EVI5: variants seen among roughly 807,000 people sequenced by gnomAD.
EVI5 encodes ecotropic viral integration site 5.
Under a neutral mutation model 112.0 loss-of-function variants are expected in EVI5, and 73 were observed. The ratio of observed to expected loss-of-function variants is 0.65; its 90% CI spans 0.54 to 0.79. EVI5 has a LOEUF of 0.79. Among genes scored for constraint, EVI5 ranks in the 30% least tolerant of loss-of-function variants. The probability of loss-of-function intolerance (pLI) is 0.00; values close to 1 mark genes in which losing one functional copy is unlikely to be tolerated. For synonymous variants in EVI5, 305 were observed against 319.9 expected (o/e 0.95, Z 0.50); for missense variants, 900 against 968.8 (o/e 0.93, Z 0.94).
intron 18 of EVI5, 30 bp from the exon 19 acceptor site, chr1:92,563,767 AC>A: frequency 7.0e-7 from 1 of 1,435,354 alleles, no homozygotes; most frequent in Non-Finnish European, 9.8e-7. Flanking sequence ...CAAAGCAAAA[AC>A]AAGAGGCAAT....
chr1:92,748,661 A>C (rs1679691076), intron 1 of EVI5, among the ~76,000 whole-genome samples: 4 of 152,174 alleles, frequency 2.6e-5, no homozygotes, highest in African/African-American at 9.7e-5. Context: ...AAGACAGCAT[A>C]CCAGACTTAT....
intron 1 of EVI5, among the ~76,000 whole-genome samples, chr1:92,762,244 C>G (rs1250123624): frequency 6.6e-6 from 1 of 152,206 alleles, no homozygotes; most frequent in Non-Finnish European, 1.5e-5. Flanking sequence ...CTCTCTGATC[C>G]TTCCTGCCTT....
At chr1:92,659,315 A>G (rs769412819) in intron 13 of EVI5, among the ~76,000 whole-genome samples, 3 of 152,202 alleles carry the variant, frequency 2.0e-5, no homozygotes, top group Non-Finnish European at 4.4e-5. Flanking sequence ...TGAATAGACA[A>G]CCTACAGAAT....
At chr1:92,549,497 T>C (rs1482462862) in intron 19 of EVI5, among the ~76,000 whole-genome samples, 1 of 151,268 alleles carries the variant, frequency 6.6e-6, no homozygotes, top group South Asian at 2.1e-4. Context: ...AATTGACAAA[T>C]GGGATCTAAT....
intron 7 of EVI5, 89 bp downstream of exon 7, chr1:92,695,221 T>C (rs1670121213): frequency 2.8e-6 from 3 of 1,087,344 alleles, no homozygotes; most frequent in South Asian, 3.5e-5. Flanking sequence ...ACACATGGCT[T>C]TCCTTCATTG....
intron 18 of EVI5, among the ~76,000 whole-genome samples, chr1:92,593,130 T>C (rs987294647): frequency 7.9e-5 from 12 of 152,180 alleles, no homozygotes; most frequent in African/African-American, 2.7e-4. Context: ...AAGAAAATTA[T>C]AGACCAATGT....
intron 1 of EVI5, among the ~76,000 whole-genome samples, chr1:92,779,001 A>T (rs1031259487): frequency 3.3e-5 from 5 of 152,034 alleles, no homozygotes; most frequent in Non-Finnish European, 5.9e-5. Context: ...CCATGTGATT[A>T]TAATGTGCAG....
chr1:92,562,403 G>A (rs1304603520), intron 19 of EVI5, among the ~76,000 whole-genome samples: 7 of 152,060 alleles, frequency 4.6e-5, no homozygotes, highest in Non-Finnish European at 1.5e-5. Context: ...GGTGGCGGGC[G>A]CCTGTAGTCC....
intron 9 of EVI5, among the ~76,000 whole-genome samples, chr1:92,678,878 C>T (rs1667157705): frequency 6.6e-6 from 1 of 152,184 alleles, no homozygotes; most frequent in Admixed American, 6.5e-5. Flanking sequence ...TTGTTATACC[C>T]ACTCTGGGGT....
At chr1:92,640,007 T>TG (rs1659629120) in intron 13 of EVI5, among the ~76,000 whole-genome samples, 1 of 152,074 alleles carries the variant, frequency 6.6e-6, no homozygotes, top group Admixed American at 6.5e-5. Flanking sequence ...ACAAAAGCAA[T>TG]GGGGAAAGGA....
At chr1:92,580,461 G>A (rs927507411) in intron 18 of EVI5, 3 of 154,070 alleles carry the variant, frequency 1.9e-5, no homozygotes, top group African/African-American at 7.2e-5. Context: ...ATTTTGTTAA[G>A]CTTTATTGTA....
At chr1:92,644,742 AAT>A (rs1473726125) in intron 13 of EVI5, among the ~76,000 whole-genome samples, 1 of 152,118 alleles carries the variant, frequency 6.6e-6, no homozygotes, top group African/African-American at 2.4e-5. Flanking sequence ...ATTTAATTAA[AAT>A]ATGTTCTAAT....
rs192380713 is a variant in EVI5, at chr1:92,767,044, C to T, written c.-82+17792G>A. Among the ~76,000 whole-genome samples, 17 of 144,340 alleles carry T rather than the reference C, an allele frequency of 1.2e-4. No individual in the cohort carries two copies. In the Admixed American group the frequency reaches 1.2e-3, roughly 10 times the overall value. 94.7% of individuals were successfully genotyped at this position (144,340 alleles called of 152,430 possible). ...GTTGCAGTGAGCTGATATCACACCA[C>T]TGCACTCCAGCCTGGGAGACAGAGC... On this transcript the variant is annotated intron_variant, in intron 1 of 19. Transcript: ENST00000684568.
chr1:92,749,285 C>A, intron 1 of EVI5: 1 of 316,718 alleles, frequency 3.2e-6, no homozygotes, highest in Non-Finnish European at 6.1e-6. Flanking sequence ...AGCTTTGTAC[C>A]AGCCATGGTA....
In EVI5 at chr1:92,785,100, GGAGA is replaced by G; in HGVS notation, c.-350_-347del. On this transcript the variant is annotated 5_prime_UTR_variant, in exon 1 of 20. Coordinates refer to ENST00000684568, the MANE Select transcript of EVI5 (RefSeq NM_001350197.2). ...TCCGGGGTCCGGCCCGGCCGCGTCA[GGAGA>G]GCCCAAGGCGCAGGCGCGGGAGGGC... 1.0e-6 allele frequency: 1 copy of G among 985,534 alleles called. No individual in the cohort carries two copies. The highest frequency in any genetic ancestry group is 1.2e-6 in the Non-Finnish European group (1 of 830,038). 61.0% of individuals were successfully genotyped at this position (985,534 alleles called of 1,614,324 possible).
At chr1:92,526,072 T>C (rs1661820432) in intron 19 of EVI5, among the ~76,000 whole-genome samples, 1 of 152,202 alleles carries the variant, frequency 6.6e-6, no homozygotes, top group Non-Finnish European at 1.5e-5. Flanking sequence ...TTTTTGTTTT[T>C]TTTTGAGATG....
chr1:92,606,910 ACACACACACACACCCC>A (rs1447151868), intron 17 of EVI5, among the ~76,000 whole-genome samples: 3 of 100,638 alleles, frequency 3.0e-5, no homozygotes, highest in Non-Finnish European at 4.3e-5. Context: ...ACACACACAC[ACACACACACACACCCC>A]CCCAAACCCT....
In EVI5 at chr1:92,688,131, C is replaced by T. The variant is rs1668872278; in HGVS notation, c.1097+5671G>A. Among the ~76,000 whole-genome samples the T allele has an allele frequency of 3.3e-5, 5 of 152,128 alleles. No individual in the cohort carries two copies. In the South Asian group the frequency reaches 8.3e-4, roughly 25 times the overall value. On this transcript the variant is annotated intron_variant, in intron 9 of 19. Coordinates refer to ENST00000684568, the MANE Select transcript of EVI5 (RefSeq NM_001350197.2). ...TACAATAGCAAAGACTTGGAACCAA[C>T]CCAAATGTCCATCAATGATAGACTG...
At chr1:92,723,827 GA>G (rs1278469334) in intron 2 of EVI5, among the ~76,000 whole-genome samples, 1 of 152,126 alleles carries the variant, frequency 6.6e-6, no homozygotes, top group African/African-American at 2.4e-5. Context: ...TCCCAGCAAG[GA>G]ATAACCCTGG....
Sources: gnomAD v4.1 joint callset for allele counts (sites outside exome capture counted in the v4.1 genomes callset) on GRCh38, gnomAD v4.1.1 for gene constraint, MANE v1.5 for transcripts, NCBI Gene and HGNC (gene_info 2026-07-23, HGNC 2026-07-21) for gene names.